Variants in DLGAP1 observed in about 807,000 individuals in gnomAD.
The protein encoded by DLGAP1 is DLG associated protein 1.
A neutral mutation model predicts 90.8 loss-of-function variants in DLGAP1; 11 were observed. The observed-to-expected ratio is 0.12, with a 90% CI of 0.08 to 0.20. The LOEUF (loss-of-function observed/expected upper bound fraction) is 0.20, where lower values mean the gene tolerates loss of function less well. DLGAP1 is among the 10% of genes least tolerant of loss of function. The pLI is 1.00. For synonymous variants in DLGAP1, 558 were observed against 540.7 expected (o/e 1.03, Z -0.44); for missense variants, 1,050 against 1,333.8 (o/e 0.79, Z 3.31).
intron 2 of DLGAP1, among the ~76,000 whole-genome samples, chr18:4,139,409 T>C (rs927915229): frequency 3.9e-5 from 6 of 152,158 alleles, no homozygotes; most frequent in Non-Finnish European, 7.4e-5. Flanking sequence ...TATTGGAATT[T>C]ACATGTCTTT....
In DLGAP1 at chr18:3,632,735, A is replaced by T. The variant is rs537230726; in HGVS notation, c.1592-50487T>A. Among the ~76,000 whole-genome samples the T allele has an allele frequency of 3.3e-5, 5 of 152,208 alleles. No individual in the cohort carries two copies. The East Asian group carries it at 9.7e-4, about 29-fold the overall frequency. ...CCTTGGGAGCTTATTTTGGAAGGTT[A>T]TATGTGGCCTAGAAAAAGTCTTTTT... On this transcript the variant is annotated intron_variant, in intron 7 of 12. Transcript: ENST00000315677.
chr18:3,918,797 T>C (rs976009130), intron 3 of DLGAP1, among the ~76,000 whole-genome samples: 2 of 151,950 alleles, frequency 1.3e-5, no homozygotes, highest in Non-Finnish European at 2.9e-5. Context: ...TGAACTAGGG[T>C]GGCTGGAGGC....
chr18:4,089,468 AAC>A (rs2075735141), intron 2 of DLGAP1, among the ~76,000 whole-genome samples: 1 of 152,178 alleles, frequency 6.6e-6, no homozygotes, highest in African/African-American at 2.4e-5. Context: ...ATTCATATGG[AAC>A]CAAAAAAGGG....
At position 4,113,952 on chromosome 18, in the gene DLGAP1, T is replaced by G. The variant is rs747728315; in HGVS notation, c.-159+37228A>C. The stretch of plus-strand genomic sequence containing the variant: ...GTGGCTCTATTACTAGGTTTTCTAT[T>G]CTGTTCCATTGGTCTATGTGTCTGT... On this transcript the variant is annotated intron_variant, in intron 2 of 12. Transcript: ENST00000315677. Among the ~76,000 whole-genome samples the G allele has an allele frequency of 2.0e-5, 3 of 152,242 alleles. No homozygotes were observed. In the South Asian group the frequency reaches 6.2e-4, roughly 32 times the overall value.
At chr18:4,205,247 T>C (rs1340955397) in intron 1 of DLGAP1, among the ~76,000 whole-genome samples, 2 of 152,078 alleles carry the variant, frequency 1.3e-5, no homozygotes, top group African/African-American at 4.8e-5. Flanking sequence ...AAAAACCACA[T>C]ACAAACCAGC....
At chr18:3,873,130 C>T (rs1331989845) in intron 4 of DLGAP1, among the ~76,000 whole-genome samples, 1 of 152,184 alleles carries the variant, frequency 6.6e-6, no homozygotes, top group Non-Finnish European at 1.5e-5. Flanking sequence ...TCTTTCTGGA[C>T]TGCTGCTTTC....
intron 1 of DLGAP1, among the ~76,000 whole-genome samples, chr18:4,419,958 C>G (rs919913531): frequency 1.3e-5 from 2 of 151,964 alleles, no homozygotes; most frequent in African/African-American, 4.8e-5. Context: ...TATGTACAGA[C>G]AGGTCAAATA....
At chr18:4,019,318 T>G (rs1430846594) in intron 2 of DLGAP1, among the ~76,000 whole-genome samples, 2 of 152,150 alleles carry the variant, frequency 1.3e-5, no homozygotes, top group Non-Finnish European at 2.9e-5. Context: ...TGCTTTATCT[T>G]CTTTTCTCAG....
intron 5 of DLGAP1, among the ~76,000 whole-genome samples, chr18:3,748,277 C>A (rs1316401633): frequency 6.6e-6 from 1 of 152,210 alleles, no homozygotes; most frequent in East Asian, 1.9e-4. Flanking sequence ...AAGCTTGACC[C>A]TTTGTATCCG....
chr18:4,090,004 C>A (rs1036664961), intron 2 of DLGAP1, among the ~76,000 whole-genome samples: 2 of 152,028 alleles, frequency 1.3e-5, no homozygotes, highest in African/African-American at 4.8e-5. Flanking sequence ...AAGATCGCGC[C>A]GCTGCACTCC....
At chr18:3,849,406 G>C (rs1049671074) in intron 4 of DLGAP1, among the ~76,000 whole-genome samples, 2 of 152,120 alleles carry the variant, frequency 1.3e-5, no homozygotes, top group African/African-American at 4.8e-5. Flanking sequence ...ATGAGTATGA[G>C]GGGTGCATTG....
At chr18:4,188,467 C>T (rs2077338173) in intron 1 of DLGAP1, among the ~76,000 whole-genome samples, 1 of 152,036 alleles carries the variant, frequency 6.6e-6, no homozygotes, top group African/African-American at 2.4e-5. Context: ...CCTCCCCTTG[C>T]CCCTCACACC....
rs149254516 is a variant in DLGAP1, at chr18:4,241,353, A to T, written c.-266-90066T>A. On this transcript the variant is annotated intron_variant, in intron 1 of 12. Coordinates refer to ENST00000315677, the MANE Select transcript of DLGAP1 (RefSeq NM_004746.4). ...GTTCCCAGGTGATGCTGATGCTATT[A>T]TCTGAGAAACACACTTCGCTTACAG... Among the ~76,000 whole-genome samples, 31 of 152,290 alleles carry T rather than the reference A, an allele frequency of 2.0e-4. No individual in the cohort carries two copies. In the East Asian group the frequency reaches 5.2e-3, roughly 26 times the overall value.
At chr18:3,888,128 A>G (rs1164014690) in intron 3 of DLGAP1, among the ~76,000 whole-genome samples, 6 of 151,080 alleles carry the variant, frequency 4.0e-5, no homozygotes, top group Non-Finnish European at 8.9e-5. Flanking sequence ...AAAAAAAAAA[A>G]AAAAAAGAAG....
At position 4,057,004 on chromosome 18, in the gene DLGAP1, T is replaced by TACACACAC. The variant is rs55887550; in HGVS notation, c.-158-51811_-158-51804dup. ...GCATTTATTAGCAACTGACCATACA[T>TACACACAC]ACACACACACACACACACACACACA... On this transcript the variant is annotated intron_variant, in intron 2 of 12. Transcript: ENST00000315677. Among the ~76,000 whole-genome samples the TACACACAC allele has an allele frequency of 2.0e-3, 233 of 115,084 alleles. 5 individuals carry two copies. The highest frequency in any genetic ancestry group is 2.8e-3 in the South Asian group (8 of 2,814). The allele number at this position is 115,084 out of a possible 152,430, so 75.5% of individuals were successfully genotyped here. A position where few individuals can be genotyped will look rare whatever the true frequency, so the allele number is the denominator to read the frequency against.
At chr18:3,631,844 C>T (rs2058536861) in intron 7 of DLGAP1, among the ~76,000 whole-genome samples, 1 of 152,056 alleles carries the variant, frequency 6.6e-6, no homozygotes, top group Non-Finnish European at 1.5e-5. Context: ...GTGCAAATGG[C>T]GAGATCATAG....
At chr18:4,306,951 T>C (rs1299027889) in intron 1 of DLGAP1, among the ~76,000 whole-genome samples, 2 of 152,234 alleles carry the variant, frequency 1.3e-5, no homozygotes, top group African/African-American at 2.4e-5. Flanking sequence ...TTTGTCCTTC[T>C]CAATAGCACG....
rs143264421 is a variant in DLGAP1 at position 3,867,053 on chromosome 18, T to C, written c.957+12059A>G. On this transcript the variant is annotated intron_variant, in intron 4 of 12. Coordinates refer to ENST00000315677, the MANE Select transcript of DLGAP1 (RefSeq NM_004746.4). ...ATCTTTAGTAGAGACGGGGTTTCACTATGTTGGCCATGCTGGTCTTGAACT... is the reference window on the plus strand; with the variant it reads ...ATCTTTAGTAGAGACGGGGTTTCACCATGTTGGCCATGCTGGTCTTGAACT... Among the ~76,000 whole-genome samples the C allele has an allele frequency of 4.5e-4, 68 of 152,176 alleles. No individual in the cohort carries two copies. In the Middle Eastern group the frequency reaches 0.02, roughly 46 times the overall value.
intron 4 of DLGAP1, among the ~76,000 whole-genome samples, chr18:3,816,444 T>C (rs2148449851): frequency 6.6e-6 from 1 of 152,326 alleles, no homozygotes; most frequent in Non-Finnish European, 1.5e-5. Flanking sequence ...AATTCACCTG[T>C]ATAACTGGAA....
Sources: gnomAD v4.1 joint callset for allele counts (sites outside exome capture counted in the v4.1 genomes callset) on GRCh38, gnomAD v4.1.1 for gene constraint, MANE v1.5 for transcripts, NCBI Gene and HGNC (gene_info 2026-07-23, HGNC 2026-07-21) for gene names.